The following HDAC9 variants were observed in gnomAD, a reference collection of about 807,000 sequenced individuals.
The protein encoded by HDAC9 is histone deacetylase 9, also known as MEF-2 interacting transcription repressor (MITR) protein.
HDAC9 carries 41 observed loss-of-function variants against 139.4 expected under a neutral mutation model. The ratio of observed to expected loss-of-function variants is 0.29; its 90% CI spans 0.23 to 0.38. HDAC9 has a LOEUF of 0.38. Ranked by LOEUF, HDAC9 falls within the 10% of genes least tolerant of loss-of-function variation. The probability of loss-of-function intolerance (pLI) is 1.00; values close to 1 mark genes in which losing one functional copy is unlikely to be tolerated. For synonymous variants in HDAC9, 517 were observed against 476.2 expected (o/e 1.09, Z -1.12); for missense variants, 1,147 against 1,297.0 (o/e 0.88, Z 1.78).
chr7:18,410,977 T>G (rs1190778010), intron 1 of HDAC9, among the ~76,000 whole-genome samples: 2 of 152,196 alleles, frequency 1.3e-5, no homozygotes, highest in Non-Finnish European at 2.9e-5. Flanking sequence ...AGGAAGTATT[T>G]GGGAATCAAA....
At chr7:18,344,004 C>G (rs1433191623) in intron 1 of HDAC9, among the ~76,000 whole-genome samples, 1 of 151,830 alleles carries the variant, frequency 6.6e-6, no homozygotes, top group Non-Finnish European at 1.5e-5. Context: ...CAAGTCATAT[C>G]TGCCTTCTTT....
chr7:18,392,204 T>C (rs1297493510), intron 1 of HDAC9, among the ~76,000 whole-genome samples: 1 of 152,012 alleles, frequency 6.6e-6, no homozygotes, highest in Admixed American at 6.6e-5. Flanking sequence ...TATTATAATA[T>C]GATCCACAAG....
intron 2 of HDAC9, among the ~76,000 whole-genome samples, chr7:18,248,320 G>A (rs1794691020): frequency 6.6e-6 from 1 of 152,192 alleles, no homozygotes; most frequent in Admixed American, 6.5e-5. Context: ...TAATTGGGAA[G>A]CAGGCAAACA....
At chr7:18,207,095 GGTTT>G (rs1791575583) in intron 2 of HDAC9, among the ~76,000 whole-genome samples, 1 of 151,592 alleles carries the variant, frequency 6.6e-6, no homozygotes, top group South Asian at 2.1e-4. Flanking sequence ...TTGTTTGTTT[GGTTT>G]GTTTTTGTTT....
intron 2 of HDAC9, among the ~76,000 whole-genome samples, chr7:18,269,470 G>T (rs951019856): frequency 6.6e-6 from 1 of 152,038 alleles, no homozygotes. Flanking sequence ...CACTGAATTG[G>T]GCCTGAAGTG....
intron 12 of HDAC9, among the ~76,000 whole-genome samples, chr7:18,710,200 A>T (rs1784244260): frequency 6.6e-6 from 1 of 152,130 alleles, no homozygotes; most frequent in South Asian, 2.1e-4. Flanking sequence ...CACCCCCATG[A>T]TTCAGTTAAC....
intron 23 of HDAC9, among the ~76,000 whole-genome samples, chr7:18,950,732 C>A (rs112822572): frequency 9.9e-5 from 15 of 151,734 alleles, no homozygotes; most frequent in Admixed American, 2.6e-4. Context: ...TTGAGGAGCA[C>A]GCAATATTTG....
At chr7:18,233,731 T>C (rs979132272) in intron 2 of HDAC9, among the ~76,000 whole-genome samples, 1 of 152,178 alleles carries the variant, frequency 6.6e-6, no homozygotes, top group Non-Finnish European at 1.5e-5. Context: ...CCCTCTTTCC[T>C]TGCCACTTTT....
intron 16 of HDAC9, among the ~76,000 whole-genome samples, chr7:18,792,199 GTGT>G (rs2129178412): frequency 6.7e-6 from 1 of 149,320 alleles, no homozygotes; most frequent in African/African-American, 2.5e-5. Flanking sequence ...CTGTGAATGT[GTGT>G]TGTTATTATT....
intron 6 of HDAC9, among the ~76,000 whole-genome samples, chr7:18,613,760 AAATC>A (rs779840738): frequency 2.0e-5 from 3 of 152,092 alleles, no homozygotes; most frequent in Non-Finnish European, 4.4e-5. Context: ...GGTCTCTTCT[AAATC>A]AGTGTTCTGA....
At chr7:18,532,693 A>C (rs1016394994) in intron 2 of HDAC9, among the ~76,000 whole-genome samples, 4 of 152,150 alleles carry the variant, frequency 2.6e-5, no homozygotes, top group African/African-American at 9.7e-5. Context: ...AAATCAAAGT[A>C]AGTCATGCAT....
intron 8 of HDAC9, among the ~76,000 whole-genome samples, chr7:18,641,390 A>C (rs1785550418): frequency 6.7e-6 from 1 of 148,564 alleles, no homozygotes; most frequent in African/African-American, 2.4e-5. Context: ...AATTATCACA[A>C]GTCAAAGAAT....
chr7:18,228,400 A>C (rs929985816), intron 2 of HDAC9, among the ~76,000 whole-genome samples: 8 of 152,042 alleles, frequency 5.3e-5, no homozygotes, highest in Non-Finnish European at 1.0e-4. Context: ...CTTAAACGCC[A>C]CATACCTGAA....
chr7:18,599,138 G>A (rs1833267169), intron 6 of HDAC9, among the ~76,000 whole-genome samples: 4 of 152,222 alleles, frequency 2.6e-5, no homozygotes, highest in Admixed American at 2.6e-4. Context: ...CATTTTTAAA[G>A]TAGCAGACTT....
chr7:18,961,624 G>C (rs1428276286), intron 24 of HDAC9, among the ~76,000 whole-genome samples: 1 of 152,168 alleles, frequency 6.6e-6, no homozygotes, highest in Non-Finnish European at 1.5e-5. Flanking sequence ...TACAAACCCT[G>C]TAAGATGATA....
At chr7:18,462,637 A>G (rs888967782) in intron 1 of HDAC9, among the ~76,000 whole-genome samples, 1 of 151,942 alleles carries the variant, frequency 6.6e-6, no homozygotes, top group Non-Finnish European at 1.5e-5. Context: ...TATTGTATAT[A>G]TTCTTTTGTG....
At chr7:18,680,394 G>A (rs1781811798) in intron 12 of HDAC9, among the ~76,000 whole-genome samples, 1 of 151,966 alleles carries the variant, frequency 6.6e-6, no homozygotes, top group Non-Finnish European at 1.5e-5. Context: ...TTTGATTTTA[G>A]TTGGTATAGA....
chr7:18,510,179 T>A (rs988868504), intron 2 of HDAC9, among the ~76,000 whole-genome samples: 4 of 152,186 alleles, frequency 2.6e-5, no homozygotes, highest in Admixed American at 2.6e-4. Flanking sequence ...CCTCCAATGC[T>A]TTAACAATGT....
intron 24 of HDAC9, among the ~76,000 whole-genome samples, chr7:18,954,737 A>G (rs113921721): frequency 2.6e-4 from 40 of 152,228 alleles, no homozygotes; most frequent in African/African-American, 9.1e-4. Context: ...ACATAAGCAC[A>G]CATGGGTGCA....
Sources: gnomAD v4.1 joint callset for allele counts (sites outside exome capture counted in the v4.1 genomes callset) on GRCh38, gnomAD v4.1.1 for gene constraint, MANE v1.5 for transcripts, NCBI Gene and HGNC (gene_info 2026-07-23, HGNC 2026-07-21) for gene names.